IFT43: variants seen among roughly 807,000 people sequenced by gnomAD.
IFT43 encodes the protein intraflagellar transport 43, also known as intraflagellar transport protein 43 homolog.
In IFT43, 33 loss-of-function variants were observed where a neutral mutation model predicts 32.3. The observed-to-expected ratio is 1.02, with a 90% CI of 0.77 to 1.37. The LOEUF (loss-of-function observed/expected upper bound fraction) is 1.37, where lower values mean the gene tolerates loss of function less well. Among genes scored for constraint, IFT43 ranks in the 40% most tolerant of loss-of-function variants. The pLI is 0.00. For synonymous variants in IFT43, 93 were observed against 98.2 expected (o/e 0.95, Z 0.31); for missense variants, 274 against 265.9 (o/e 1.03, Z -0.21).
At chr14:75,994,830 T>A (rs964785643) in intron 2 of IFT43, among the ~76,000 whole-genome samples, 15 of 152,212 alleles carry the variant, frequency 9.9e-5, no homozygotes, top group Non-Finnish European at 1.8e-4. Flanking sequence ...TTCTATTGAT[T>A]CAAATGATTG....
chr14:76,008,656 T>G (rs1332653676), intron 2 of IFT43, among the ~76,000 whole-genome samples: 2 of 152,300 alleles, frequency 1.3e-5, no homozygotes, highest in East Asian at 1.9e-4. Flanking sequence ...CCCCTTTGCT[T>G]CCTTGTGGCA....
intron 2 of IFT43, among the ~76,000 whole-genome samples, chr14:75,999,275 A>ATTTT (rs1566699717): frequency 5.4e-5 from 1 of 18,398 alleles, no homozygotes; most frequent in Non-Finnish European, 1.0e-4. Flanking sequence ...ATATATATGT[A>ATTTT]TATATATTTT....
rs543505795 is a variant in IFT43 at position 76,046,224 on chromosome 14, T to C, written c.216-12418T>C. 1.6e-3 allele frequency among the ~76,000 whole-genome samples: 240 copies of C among 152,318 alleles called. 4 individuals carry two copies. The South Asian group carries it at 0.018, about 12-fold the overall frequency. On this transcript the variant is annotated intron_variant, in intron 3 of 8. Transcript: ENST00000314067. ...GATGGAAAAAAATGAGAGGGCTACC[T>C]GCTGAGAAATTGAGCGGTAAATTAA...
At position 76,010,364 on chromosome 14, in the gene IFT43, C is replaced by T. The variant is rs188746937; in HGVS notation, c.148-11963C>T. Among the ~76,000 whole-genome samples, 227 of 152,280 alleles carry T rather than the reference C, an allele frequency of 1.5e-3. 1 individual carries two copies. Among genetic ancestry groups the T allele is most frequent in the Non-Finnish European group, 2.4e-3 (163 of 68,024 alleles). Reference sequence around the variant, plus strand: ...CATGCATCAAGGAACAACCTCCATGCTGGTACCCTCCTCCATACCAACCCT... The same window carrying T: ...CATGCATCAAGGAACAACCTCCATGTTGGTACCCTCCTCCATACCAACCCT... On this transcript the variant is annotated intron_variant, in intron 2 of 8. Transcript: ENST00000314067.
chr14:76,034,979 G>A (rs2036572394), intron 3 of IFT43, among the ~76,000 whole-genome samples: 1 of 152,226 alleles, frequency 6.6e-6, no homozygotes, highest in East Asian at 1.9e-4. Flanking sequence ...GGAAGGAAAG[G>A]TAGTTTGATT....
chr14:76,074,108 G>A (rs1293865626), intron 5 of IFT43, among the ~76,000 whole-genome samples: 2 of 152,148 alleles, frequency 1.3e-5, no homozygotes, highest in African/African-American at 4.8e-5. Flanking sequence ...TAGAATAAAA[G>A]CAGTGTAGTT....
intron 2 of IFT43, among the ~76,000 whole-genome samples, chr14:76,005,385 C>T (rs139252861): frequency 1.1e-4 from 16 of 152,256 alleles, no homozygotes; most frequent in Admixed American, 4.6e-4. Context: ...TCGGGGATTT[C>T]GGTGAAAGAC....
intron 2 of IFT43, among the ~76,000 whole-genome samples, chr14:76,007,693 G>C (rs2036005604): frequency 6.6e-6 from 1 of 152,204 alleles, no homozygotes; most frequent in African/African-American, 2.4e-5. Flanking sequence ...GGAGTTAAGA[G>C]AATGACAGAA....
intron 3 of IFT43, among the ~76,000 whole-genome samples, chr14:76,034,738 G>A (rs1484708979): frequency 2.0e-5 from 3 of 152,174 alleles, no homozygotes; most frequent in Admixed American, 2.0e-4. Context: ...TGGGTGCCAG[G>A]GCTCCATTGC....
intron 5 of IFT43, among the ~76,000 whole-genome samples, chr14:76,068,129 C>G (rs2037257920): frequency 6.6e-6 from 1 of 152,158 alleles, no homozygotes; most frequent in South Asian, 2.1e-4. Flanking sequence ...GCTTACATTA[C>G]TAATGGCCAT....
chr14:76,082,157 G>GT, intron 5 of IFT43, 138 bp from the exon 6 acceptor site: 1 of 801,794 alleles, frequency 1.2e-6, no homozygotes. Context: ...CCTACCCCTA[G>GT]TTTGTATCTG....
chr14:76,068,792 A>G (rs377206132), intron 5 of IFT43, among the ~76,000 whole-genome samples: 4 of 152,176 alleles, frequency 2.6e-5, no homozygotes, highest in Admixed American at 2.0e-4. Context: ...TCATTAGTTC[A>G]TTTATTTGTT....
intron 2 of IFT43, among the ~76,000 whole-genome samples, chr14:76,003,019 C>T (rs11159161): frequency 0.51 from 77,838 of 152,092 alleles, 19,860 homozygotes; most frequent in South Asian, 0.53. Context: ...TAGATTTCTT[C>T]TTATTATGTG....
At chr14:76,020,149 A>G (rs964210263) in intron 2 of IFT43, among the ~76,000 whole-genome samples, 7 of 151,946 alleles carry the variant, frequency 4.6e-5, no homozygotes, top group Admixed American at 3.3e-4. Flanking sequence ...TAATTTTTGT[A>G]TTTTTAGTAT....
intron 5 of IFT43, among the ~76,000 whole-genome samples, chr14:76,078,521 T>G (rs2037451398): frequency 6.6e-6 from 1 of 152,070 alleles, no homozygotes; most frequent in Non-Finnish European, 1.5e-5. Context: ...TCAGTATCCT[T>G]GAACAAATGA....
chr14:76,037,853 C>A (rs753532257), intron 3 of IFT43, among the ~76,000 whole-genome samples: 1 of 152,144 alleles, frequency 6.6e-6, no homozygotes, highest in Non-Finnish European at 1.5e-5. Flanking sequence ...GTGCTCCATA[C>A]ATATTTGATC....
intron 3 of IFT43, among the ~76,000 whole-genome samples, chr14:76,053,414 G>T (rs576673841): frequency 6.6e-6 from 1 of 152,282 alleles, no homozygotes; most frequent in Admixed American, 6.5e-5. Flanking sequence ...ATGAAGACCA[G>T]GACGGGACTG....
intron 2 of IFT43, among the ~76,000 whole-genome samples, chr14:76,014,973 G>A (rs139299650): frequency 5.9e-5 from 9 of 152,210 alleles, no homozygotes; most frequent in Non-Finnish European, 1.0e-4. Flanking sequence ...CGTGGATTTC[G>A]TACAGGCCTG....
At chr14:76,016,072 C>T (rs922263370) in intron 2 of IFT43, among the ~76,000 whole-genome samples, 2 of 152,008 alleles carry the variant, frequency 1.3e-5, no homozygotes, top group South Asian at 2.1e-4. Flanking sequence ...TCTGGATGCT[C>T]GTTTCTTGTT....
Sources: allele counts gnomAD v4.1 joint callset (sites outside exome capture counted in the v4.1 genomes callset), GRCh38; gene constraint gnomAD v4.1.1; transcripts MANE v1.5; gene names NCBI Gene and HGNC (gene_info 2026-07-23, HGNC 2026-07-21).